Variants in COL23A1 observed in about 807,000 individuals in gnomAD.
COL23A1 encodes collagen alpha-1(XXIII) chain.
A neutral mutation model predicts 99.3 loss-of-function variants in COL23A1; 97 were observed. The ratio of observed to expected loss-of-function variants is 0.98; its 90% CI spans 0.83 to 1.16. The LOEUF (loss-of-function observed/expected upper bound fraction) is 1.16. COL23A1 is among the 50% of genes most tolerant of loss of function. COL23A1 has a pLI of 0.00. For missense variants in COL23A1, 762 were observed against 757.4 expected (o/e 1.01, Z -0.07); for synonymous variants, 320 against 308.2 (o/e 1.04, Z -0.40).
intron 2 of COL23A1, among the ~76,000 whole-genome samples, chr5:178,503,889 T>C (rs1270394592): frequency 1.3e-5 from 2 of 152,196 alleles, no homozygotes; most frequent in African/African-American, 2.4e-5. Flanking sequence ...GGCAGAGCCC[T>C]GGGCTAGGTC....
intron 14 of COL23A1, 123 bp from the exon 15 acceptor site, chr5:178,256,520 G>T: frequency 2.3e-6 from 2 of 856,044 alleles, no homozygotes; most frequent in Non-Finnish European, 3.5e-6. Flanking sequence ...AACCCTAATA[G>T]CCAAATGTAT....
Position 178,238,430 on chromosome 5 carries a change from C to G in COL23A1, c.*268G>C, listed in dbSNP as rs1026533065. 16 of 527,708 alleles carry G rather than the reference C, an allele frequency of 3.0e-5. No individual in the cohort carries two copies. The highest frequency in any genetic ancestry group is 5.1e-5 in the Non-Finnish European group (15 of 294,652). 32.7% of individuals were successfully genotyped at this position (527,708 alleles called of 1,614,324 possible). On this transcript the variant is annotated 3_prime_UTR_variant, in exon 29 of 29. Coordinates refer to ENST00000390654, the MANE Select transcript of COL23A1 (RefSeq NM_173465.4). ...CAACGTAGCATCTTTCTAGCCTTGC[C>G]CGAGCCAGGTGCTTCTACCTTCATC...
intron 2 of COL23A1, among the ~76,000 whole-genome samples, chr5:178,320,667 GCA>G: frequency 6.6e-6 from 1 of 152,326 alleles, no homozygotes; most frequent in Middle Eastern, 3.4e-3. Flanking sequence ...TCCTTGCCTC[GCA>G]CCCCAGGGGA....
At chr5:178,276,635 C>G (rs924297651) in intron 5 of COL23A1, among the ~76,000 whole-genome samples, 1 of 152,198 alleles carries the variant, frequency 6.6e-6, no homozygotes, top group Non-Finnish European at 1.5e-5. Flanking sequence ...CGGGTCAGCA[C>G]CATACGGTTC....
rs1301383958 is a variant in COL23A1 at position 178,428,444 on chromosome 5, T to C, written c.362-121525A>G. On this transcript the variant is annotated intron_variant, in intron 2 of 28. Coordinates refer to ENST00000390654, the MANE Select transcript of COL23A1 (RefSeq NM_173465.4). This position sits in a 1 kb window ranked among gnomAD's most constrained non-coding sequence, Gnocchi z 5.0. The stretch of plus-strand genomic sequence containing the variant: ...GGCAGCTTCCAGGGCCCCTTCCTCA[T>C]TCTGCTGCTCGGAACTCCTTGTGAC... Among the ~76,000 whole-genome samples the C allele has an allele frequency of 1.3e-5, 2 of 152,196 alleles. No homozygotes were observed. The highest frequency in any genetic ancestry group is 2.9e-5 in the Non-Finnish European group (2 of 68,022).
chr5:178,588,672 G>T (rs184510081), intron 1 of COL23A1, among the ~76,000 whole-genome samples: 2 of 152,330 alleles, frequency 1.3e-5, no homozygotes, highest in Non-Finnish European at 2.9e-5. Context: ...GAAGAGATGT[G>T]ATCCTAGCTT....
At chr5:178,542,699 GGGGGA>G (rs1252004259) in intron 2 of COL23A1, among the ~76,000 whole-genome samples, 1 of 152,026 alleles carries the variant, frequency 6.6e-6, no homozygotes, top group African/African-American at 2.4e-5. Context: ...TGGAGAGGAA[GGGGGA>G]GGGGAGGGCT....
At chr5:178,462,056 C>T (rs1044868017) in intron 2 of COL23A1, among the ~76,000 whole-genome samples, 2 of 152,260 alleles carry the variant, frequency 1.3e-5, no homozygotes, top group African/African-American at 4.8e-5. Context: ...GCACCCAGCA[C>T]AGCTGCTGGC....
rs367916490 is a variant in COL23A1, at chr5:178,570,197, C to T, written c.295-9449G>A. On this transcript the variant is annotated intron_variant, in intron 1 of 28. Transcript: ENST00000390654. ...GTACCATCATGGCTCACTACAGCCT[C>T]GACCTCCTGGGCTCAAGTCATCCTC... is the stretch of plus-strand genomic sequence containing the variant. 3.8e-4 allele frequency among the ~76,000 whole-genome samples: 58 copies of T among 151,582 alleles called. 2 individuals carry two copies. In the South Asian group the frequency reaches 0.012, roughly 31 times the overall value.
At chr5:178,523,320 G>C (rs1760117378) in intron 2 of COL23A1, among the ~76,000 whole-genome samples, 1 of 145,716 alleles carries the variant, frequency 6.9e-6, no homozygotes, top group South Asian at 2.2e-4. Flanking sequence ...CTAGCTATTT[G>C]GGAGGCTGAA....
intron 2 of COL23A1, among the ~76,000 whole-genome samples, chr5:178,491,797 C>T (rs573558813): frequency 6.6e-6 from 1 of 152,100 alleles, no homozygotes; most frequent in African/African-American, 2.4e-5. Context: ...TGCAGTGGTG[C>T]CATCTTGGCT....
chr5:178,565,360 G>A (rs1278769613), intron 1 of COL23A1, among the ~76,000 whole-genome samples: 1 of 152,206 alleles, frequency 6.6e-6, no homozygotes, highest in Non-Finnish European at 1.5e-5. Flanking sequence ...TCCATCCTGT[G>A]AGTACAGGCA....
intron 2 of COL23A1, among the ~76,000 whole-genome samples, chr5:178,392,793 T>C (rs1764035939): frequency 6.6e-6 from 1 of 152,090 alleles, no homozygotes; most frequent in Non-Finnish European, 1.5e-5. Flanking sequence ...CAACAGAAAA[T>C]GCCACATTAG....
chr5:178,296,012 C>T (rs1757722637), intron 3 of COL23A1, among the ~76,000 whole-genome samples: 2 of 152,294 alleles, frequency 1.3e-5, no homozygotes, highest in South Asian at 4.1e-4. Flanking sequence ...GACCTCTCAC[C>T]CTGGGCTCTT....
At chr5:178,523,257 C>G (rs79030251) in intron 2 of COL23A1, among the ~76,000 whole-genome samples, 283 of 107,830 alleles carry the variant, frequency 2.6e-3, no homozygotes, top group Middle Eastern at 9.6e-3. Context: ...GAGAGAGAGA[C>G]AGAGAGAGAG....
intron 16 of COL23A1, among the ~76,000 whole-genome samples, 163 bp downstream of exon 16, chr5:178,254,786 G>A (rs1207531855): frequency 6.6e-6 from 1 of 152,170 alleles, no homozygotes; most frequent in African/African-American, 2.4e-5. Flanking sequence ...TCTCAACATA[G>A]CCCTGATTTC....
Position 178,252,577 on chromosome 5 carries a change from C to T in COL23A1, c.981G>A (p.Gly327=). 6.2e-7 allele frequency: 1 copy of T among 1,611,178 alleles called. No homozygotes were observed. Among genetic ancestry groups the T allele is most frequent in the Non-Finnish European group, 8.5e-7 (1 of 1,178,820 alleles). ...CAGGGATCCCTGGTGGCCCTGGGGG[C>T]CCCTGTGGTCCGGGAGGCCCCTGTG... The part of the protein sequence containing the change: ...DALKGPPGPQ[G]PPGPPGIPGA... Residue 327 remains glycine, a synonymous_variant, in exon 17 of 29, where the codon GGG becomes GGA. Coordinates refer to ENST00000390654, the MANE Select transcript of COL23A1 (RefSeq NM_173465.4).
At chr5:178,427,360 C>T (rs748667688) in intron 2 of COL23A1, among the ~76,000 whole-genome samples, 1 of 152,190 alleles carries the variant, frequency 6.6e-6, no homozygotes, top group Non-Finnish European at 1.5e-5. Flanking sequence ...TACAGCTTAG[C>T]AGTTTCTTAC....
intron 2 of COL23A1, among the ~76,000 whole-genome samples, chr5:178,312,633 A>T (rs1263683161): frequency 7.5e-6 from 1 of 133,792 alleles, no homozygotes; most frequent in Non-Finnish European, 1.6e-5. Flanking sequence ...TGCCCGTCTT[A>T]TCAAGGTCCC....
Sources: allele counts gnomAD v4.1 joint callset (sites outside exome capture counted in the v4.1 genomes callset), GRCh38; gene constraint gnomAD v4.1.1; non-coding constraint Gnocchi (gnomAD v3.1); transcripts MANE v1.5; gene names NCBI Gene and HGNC (gene_info 2026-07-23, HGNC 2026-07-21).